Variants in CAMK2G observed in about 807,000 individuals in gnomAD.
CAMK2G encodes the protein calcium/calmodulin-dependent protein kinase type II subunit gamma.
In CAMK2G, 23 loss-of-function variants were observed where a neutral mutation model predicts 88.7. That is an observed-to-expected ratio of 0.26 (90% CI 0.19 to 0.37). The LOEUF (loss-of-function observed/expected upper bound fraction) is 0.37, where lower values mean the gene tolerates loss of function less well. Ranked by LOEUF, CAMK2G falls within the 10% of genes least tolerant of loss-of-function variation. The pLI, the probability that CAMK2G is intolerant of heterozygous loss-of-function variation, is 1.00. For missense variants in CAMK2G, 476 were observed against 780.8 expected, an observed-to-expected ratio of 0.61 and a Z score of 4.65; for synonymous variants, 263 against 294.8, an observed-to-expected ratio of 0.89 and a Z score of 1.11.
chr10:73,817,192 C>A, intron 20 of CAMK2G, 75 bp from the exon 21 acceptor site: 1 of 1,536,674 alleles, frequency 6.5e-7, no homozygotes, highest in South Asian at 1.3e-5. Context: ...TCAGCGGTGT[C>A]TATCCAGTAG....
chr10:73,828,212 G>C (rs1458051419), intron 14 of CAMK2G, 91 bp from the exon 15 acceptor site: 22 of 1,059,982 alleles, frequency 2.1e-5, no homozygotes, highest in Non-Finnish European at 2.9e-5. Context: ...CACCAGTGTG[G>C]GCTCTGCATC....
rs980999912 is a variant in CAMK2G at position 73,819,618 on chromosome 10, C to G, written c.1277G>C (p.Ser426Thr). Residue 426 changes from serine (S) to threonine (T), a missense_variant, in exon 19 of 23, where the codon AGC (serine) becomes ACC (threonine). Ser to Thr is a moderately conservative substitution (Grantham distance 58). Around this residue, in one of 3 missense-constraint regions of CAMK2G, gnomAD observed 278 missense variants for 366.5 expected, o/e 0.76. Coordinates refer to ENST00000423381, the MANE Select transcript of CAMK2G (RefSeq NM_001367534.1). The part of the protein sequence containing the change: ...KAAPLRTGNG[S>T]SVPEGRSSRD... ...GGAGCTCCGTCCTTCAGGCACCGAGCTGCCATTCCCAGTGCGGAGCGGGGC... is the reference window on the plus strand; with the variant it reads ...GGAGCTCCGTCCTTCAGGCACCGAGGTGCCATTCCCAGTGCGGAGCGGGGC... 1 of 1,545,728 alleles carries G rather than the reference C, an allele frequency of 6.5e-7. No homozygotes were observed. Among genetic ancestry groups the G allele is most frequent in the Admixed American group, 2.0e-5 (1 of 50,978 alleles).
At chr10:73,815,274 A>G in intron 21 of CAMK2G, 27 bp from the exon 22 acceptor site, 1 of 1,490,092 alleles carries the variant, frequency 6.7e-7, no homozygotes, top group African/African-American at 1.4e-5. Context: ...GGTAGGTAAG[A>G]GGACATCAGG....
chr10:73,835,656 C>T (rs2093108470), intron 14 of CAMK2G, among the ~76,000 whole-genome samples: 1 of 152,048 alleles, frequency 6.6e-6, no homozygotes, highest in African/African-American at 2.4e-5. Flanking sequence ...TGGTATTTCC[C>T]ATGGTCTGAC....
chr10:73,815,369 G>GCCCCCCCCCCC (rs57601302), intron 21 of CAMK2G, 122 bp from the exon 22 acceptor site: 1 of 619,306 alleles, frequency 1.6e-6, no homozygotes, highest in African/African-American at 2.1e-5. Flanking sequence ...TCCAAGTACC[G>GCCCCCCCCCCC]CCCCCCCCCA....
chr10:73,852,665 A>C (rs2094717576), intron 4 of CAMK2G: 1 of 314,902 alleles, frequency 3.2e-6, no homozygotes, highest in African/African-American at 2.1e-5. Context: ...ATCGCTGCCC[A>C]GGAAGGACAG....
intron 12 of CAMK2G, among the ~76,000 whole-genome samples, chr10:73,840,557 AAGGCC>A (rs2093691952): frequency 1.3e-5 from 2 of 152,224 alleles, no homozygotes; most frequent in South Asian, 4.1e-4. Flanking sequence ...AGTGAGCTCA[AAGGCC>A]AGTCTAGGTC....
intron 16 of CAMK2G, among the ~76,000 whole-genome samples, chr10:73,824,342 G>T (rs999413168): frequency 1.3e-5 from 2 of 152,318 alleles, no homozygotes; most frequent in African/African-American, 2.4e-5. Flanking sequence ...GAGGCTGACA[G>T]CAAGGGCCTC....
chr10:73,870,325 T>C (rs7093683), intron 2 of CAMK2G, among the ~76,000 whole-genome samples: 11,566 of 152,210 alleles, frequency 0.076, 1,439 homozygotes, highest in African/African-American at 0.26. Flanking sequence ...AGTGACGTTA[T>C]GTGACTTTCA....
chr10:73,825,262 C>G lies in CAMK2G; in HGVS notation c.1155+17G>C. 1 of 1,593,766 alleles carries G rather than the reference C, an allele frequency of 6.3e-7. No homozygotes were observed. Among genetic ancestry groups the G allele is most frequent in the Non-Finnish European group, 8.6e-7 (1 of 1,161,378 alleles). On this transcript the variant is annotated intron_variant, in intron 16 of 22. Coordinates refer to ENST00000423381, the MANE Select transcript of CAMK2G (RefSeq NM_001367534.1). The stretch of plus-strand genomic sequence containing the variant: ...GCAGCCAGGGTCAGAGGCGGAGAAG[C>G]TGTAGTCAGGAGGTACCATGGCCGT...
In CAMK2G at chr10:73,834,198, G is replaced by A. The variant is rs187454966; in HGVS notation, c.1053+3270C>T. On this transcript the variant is annotated intron_variant, in intron 14 of 22. Transcript: ENST00000423381. ...CTCCCAAAGTGCTGGGATTACAGGC[G>A]TGAGCCACCACGCCCAGCTTCTACT... is the stretch of plus-strand genomic sequence containing the variant. 8.0e-4 allele frequency among the ~76,000 whole-genome samples: 122 copies of A among 152,288 alleles called. No individual in the cohort carries two copies. In the East Asian group the frequency reaches 0.012, roughly 15 times the overall value.
At chr10:73,866,229 A>G (rs2095586681) in intron 2 of CAMK2G, among the ~76,000 whole-genome samples, 1 of 152,144 alleles carries the variant, frequency 6.6e-6, no homozygotes, top group South Asian at 2.1e-4. Flanking sequence ...GGGCAGCAAG[A>G]AGTGACCAGA....
At chr10:73,818,321 C>T in intron 19 of CAMK2G, 1 of 220,646 alleles carries the variant, frequency 4.5e-6, no homozygotes, top group Non-Finnish European at 9.4e-6. Context: ...GTGGTGCCCT[C>T]CAGAGGCCTC....
intron 5 of CAMK2G, among the ~76,000 whole-genome samples, chr10:73,850,988 C>A (rs1464347156): frequency 6.6e-6 from 1 of 152,206 alleles, no homozygotes; most frequent in Admixed American, 6.5e-5. Context: ...CCCCTCAGGG[C>A]CCCCTCCCTA....
At chr10:73,849,931 C>T (rs979511382) in intron 5 of CAMK2G, among the ~76,000 whole-genome samples, 3 of 152,184 alleles carry the variant, frequency 2.0e-5, no homozygotes, top group Non-Finnish European at 2.9e-5. Context: ...TACTTAAGAG[C>T]TTCCAAACAG....
At position 73,812,693 on chromosome 10, in the gene CAMK2G, A is replaced by T. The variant is rs957189573; in HGVS notation, c.*1825T>A. ...TTTTTTAATAGTCTATTGTCTATAG[A>T]TGCTGACATTAGCCCCAGAAGAGGA... is the stretch of plus-strand genomic sequence containing the variant. On this transcript the variant is annotated 3_prime_UTR_variant, in exon 23 of 23. Transcript: ENST00000423381. 2 of 152,678 alleles carry T rather than the reference A, an allele frequency of 1.3e-5. No homozygotes were observed. The highest frequency in any genetic ancestry group is 2.9e-5 in the Non-Finnish European group (2 of 68,044). The allele number at this position is 152,678 out of a possible 1,614,324, so 9.5% of individuals were successfully genotyped here.
intron 1 of CAMK2G, chr10:73,873,316 G>A: frequency 7.4e-7 from 1 of 1,354,502 alleles, no homozygotes; most frequent in Non-Finnish European, 9.6e-7. Context: ...CCCTCATCCA[G>A]TCCCTGGGCA....
chr10:73,858,737 G>A lies in CAMK2G; in HGVS notation c.220+2093C>T, dbSNP rs528646193. Among the ~76,000 whole-genome samples the A allele has an allele frequency of 5.1e-4, 77 of 152,376 alleles. 1 individual carries two copies. Among genetic ancestry groups the A allele is most frequent in the African/African-American group, 1.6e-3 (68 of 41,600 alleles). Reference sequence around the variant, plus strand: ...TCTGAGCCGAGGGCAGATGGTAAAAGTAAAGGGCTACCAAACAGAGTGAAG... The same window carrying A: ...TCTGAGCCGAGGGCAGATGGTAAAAATAAAGGGCTACCAAACAGAGTGAAG... On this transcript the variant is annotated intron_variant, in intron 3 of 22. Transcript: ENST00000423381.
intron 2 of CAMK2G, 48 bp from the exon 3 acceptor site, chr10:73,860,937 T>G: frequency 1.5e-6 from 2 of 1,344,084 alleles, no homozygotes; most frequent in Non-Finnish European, 2.1e-6. Flanking sequence ...TCCATTCTCC[T>G]TGTGGTCACC....
Sources: gnomAD v4.1 joint callset for allele counts (sites outside exome capture counted in the v4.1 genomes callset) on GRCh38, gnomAD v4.1.1 for gene constraint, gnomAD v4.1.1 regional missense constraint, MANE v1.5 for transcripts, NCBI Gene and HGNC (gene_info 2026-07-23, HGNC 2026-07-21) for gene names.